Variants in PARP1 observed in about 807,000 individuals in gnomAD.
PARP1 encodes the protein poly [ADP-ribose] polymerase 1.
In PARP1, 44 loss-of-function variants were observed where a neutral mutation model predicts 118.7. The observed-to-expected ratio is 0.37, with a 90% CI of 0.29 to 0.48. PARP1 has a LOEUF of 0.48. Ranked by LOEUF, PARP1 falls within the 20% of genes least tolerant of loss-of-function variation. The pLI, the probability that PARP1 is intolerant of heterozygous loss-of-function variation, is 0.99. For synonymous variants in PARP1, 492 were observed against 483.2 expected (o/e 1.02, Z -0.24); for missense variants, 1,100 against 1,272.4 (o/e 0.86, Z 2.06).
chr1:226,391,455 G>A (rs1664818526), intron 3 of PARP1, among the ~76,000 whole-genome samples: 1 of 152,120 alleles, frequency 6.6e-6, no homozygotes, highest in Non-Finnish European at 1.5e-5. Context: ...GCAGCAGGAG[G>A]GGTTCCTGGC....
chr1:226,385,635 G>T lies in PARP1; in HGVS notation c.880C>A (p.Pro294Thr). The change falls in exon 7 of 23, where the codon CCC becomes ACC. Residue 294 changes from proline to threonine, a missense_variant. Coordinates refer to ENST00000366794, the MANE Select transcript of PARP1 (RefSeq NM_001618.4). ...ADGMVFGALLPCEECSGQLVF... is the reference protein window; with the variant it reads ...ADGMVFGALLTCEECSGQLVF... ...AGCTGACCCGAGCATTCCTCGCAGGGAAGGAGGGCACCGAACACCATGCCA... is the reference window on the plus strand; with the variant it reads ...AGCTGACCCGAGCATTCCTCGCAGGTAAGGAGGGCACCGAACACCATGCCA... 3.1e-6 allele frequency: 5 copies of T among 1,614,150 alleles called. No individual in the cohort carries two copies. Among genetic ancestry groups the T allele is most frequent in the Non-Finnish European group, 3.4e-6 (4 of 1,180,008 alleles).
At chr1:226,402,411 A>T in intron 1 of PARP1, 32 bp from the exon 2 acceptor site, 1 of 1,599,610 alleles carries the variant, frequency 6.3e-7, no homozygotes, top group Non-Finnish European at 8.5e-7. Context: ...GGAAGTAAGT[A>T]AGCAGTTAAC....
chr1:226,388,580 T>C, intron 5 of PARP1, 76 bp downstream of exon 5: 1 of 1,042,784 alleles, frequency 9.6e-7, no homozygotes, highest in South Asian at 1.3e-5. Context: ...CACAACTCCT[T>C]GAATTGTCTT....
intron 2 of PARP1, among the ~76,000 whole-genome samples, chr1:226,396,337 C>A (rs974108067): frequency 6.6e-6 from 1 of 151,112 alleles, no homozygotes; most frequent in Non-Finnish European, 1.5e-5. Context: ...CAGAGCAAGA[C>A]CCTGTCTCAA....
intron 1 of PARP1, among the ~76,000 whole-genome samples, chr1:226,404,815 C>G (rs1026725050): frequency 6.6e-6 from 1 of 152,226 alleles, no homozygotes; most frequent in Non-Finnish European, 1.5e-5. Context: ...TACCAGGGTC[C>G]TCACCCAACC....
At position 226,383,045 on chromosome 1, in the gene PARP1, CAGAGG is replaced by C. The variant is rs1664648414; in HGVS notation, c.1145_1149del (p.Ser382CysfsTer5). The C allele has an allele frequency of 6.2e-7, 1 of 1,612,736 alleles. No individual in the cohort carries two copies. Among genetic ancestry groups the C allele is most frequent in the African/African-American group, 1.3e-5 (1 of 74,908 alleles). ...GTCCCAAATGCTGTACCTGCTGAAGCAGAGGAGTTCACAGCAGCAGGAGCCGAGGC... is the reference window on the plus strand; with the variant it reads ...GTCCCAAATGCTGTACCTGCTGAAGCAGTTCACAGCAGCAGGAGCCGAGGC... On this transcript the variant is annotated frameshift_variant, in exon 8 of 23. Coordinates refer to ENST00000366794, the MANE Select transcript of PARP1 (RefSeq NM_001618.4). LOFTEE classifies it high-confidence loss of function.
intron 14 of PARP1, among the ~76,000 whole-genome samples, chr1:226,371,675 G>C (rs1198583293): frequency 6.6e-6 from 1 of 152,220 alleles, no homozygotes; most frequent in Non-Finnish European, 1.5e-5. Flanking sequence ...ACTTTGGTAT[G>C]GACCCTCAAT....
At chr1:226,389,827 G>A (rs1257813786) in intron 4 of PARP1, among the ~76,000 whole-genome samples, 3 of 152,196 alleles carry the variant, frequency 2.0e-5, no homozygotes, top group African/African-American at 7.2e-5. Context: ...TTAACAAGCA[G>A]TTCTCCAGAC....
intron 9 of PARP1, among the ~76,000 whole-genome samples, chr1:226,380,606 T>C (rs1664585463): frequency 1.3e-5 from 2 of 152,316 alleles, no homozygotes; most frequent in South Asian, 2.1e-4. Flanking sequence ...TACAGAGCAG[T>C]GCGAAGTGAT....
At position 226,401,865 on chromosome 1, in the gene PARP1, G is replaced by A. The variant is rs978079716; in HGVS notation, c.286+349C>T. 6.3e-6 allele frequency: 5 copies of A among 797,538 alleles called. No individual in the cohort carries two copies. In the African/African-American group the frequency reaches 7.0e-5, roughly 11 times the overall value. 49.4% of individuals were successfully genotyped at this position (797,538 alleles called of 1,614,324 possible). A position where few individuals can be genotyped will look rare whatever the true frequency, so the allele number is the denominator to read the frequency against. The stretch of plus-strand genomic sequence containing the variant: ...TCAATTATAACAAATGTACTACTCT[G>A]GTGGGAGGTGTTGACAAGGAAGAGC... On this transcript the variant is annotated intron_variant, in intron 2 of 22. Transcript: ENST00000366794.
chr1:226,400,568 C>T (rs534175130), intron 2 of PARP1, among the ~76,000 whole-genome samples: 1 of 152,354 alleles, frequency 6.6e-6, no homozygotes, highest in South Asian at 2.1e-4. Flanking sequence ...CTGTCACTGC[C>T]TCAGGGTAAG....
chr1:226,404,129 T>C lies in PARP1; in HGVS notation c.121-1750A>G, dbSNP rs186648327. Among the ~76,000 whole-genome samples, 324 of 151,630 alleles carry C rather than the reference T, an allele frequency of 2.1e-3. 3 individuals are homozygous for C. The highest frequency in any genetic ancestry group is 7.6e-3 in the African/African-American group (312 of 41,276). On this transcript the variant is annotated intron_variant, in intron 1 of 22. Transcript: ENST00000366794. ...GCTCCCCTCACTAAGAACTATGCAT[T>C]TGGTGATTATTTCATAAGGGCCTAT...
At position 226,361,133 on chromosome 1, in the gene PARP1, C is replaced by T. The variant is rs1399514450; in HGVS notation, c.*327G>A. On this transcript the variant is annotated 3_prime_UTR_variant, in exon 23 of 23. Transcript: ENST00000366794. ...TCCTTCCCTGGGGAAACCAGTAAGG[C>T]AGACATTCTAACGAAGCTTGGTTTT... is the stretch of plus-strand genomic sequence containing the variant. 2 of 392,860 alleles carry T rather than the reference C, an allele frequency of 5.1e-6. No homozygotes were observed. Among genetic ancestry groups the T allele is most frequent in the African/African-American group, 4.0e-5 (2 of 50,102 alleles). The allele number at this position is 392,860 out of a possible 1,614,324, so 24.3% of individuals were successfully genotyped here.
At chr1:226,362,156 T>G in intron 21 of PARP1, 73 bp from the exon 22 acceptor site, 2 of 835,794 alleles carry the variant, frequency 2.4e-6, no homozygotes, top group Non-Finnish European at 4.2e-6. Context: ...AGATGAGCTC[T>G]ATTTGATGTT....
intron 1 of PARP1, among the ~76,000 whole-genome samples, chr1:226,406,565 C>T (rs1325588861): frequency 2.0e-5 from 3 of 152,224 alleles, no homozygotes; most frequent in African/African-American, 7.2e-5. Flanking sequence ...TAGAGCACAG[C>T]TCCATCAGGT....
chr1:226,392,809 T>C (rs988929716), intron 2 of PARP1: 3 of 837,692 alleles, frequency 3.6e-6, no homozygotes, highest in African/African-American at 1.8e-5. Context: ...TGGGAAAAGG[T>C]TGAATTATTC....
chr1:226,381,006 G>A (rs184819752), intron 9 of PARP1, 62 bp downstream of exon 9: 466 of 1,583,954 alleles, frequency 2.9e-4, no homozygotes, highest in Admixed American at 5.7e-4. Flanking sequence ...TCACTTACTC[G>A]TCATCACAAT....
rs370053427 is a variant in PARP1 at position 226,383,030 on chromosome 1, C to T, written c.1159+6G>A. ...AGCTCTAAGACCGGGGTCCCAAATG[C>T]TGTACCTGCTGAAGCAGAGGAGTTC... On this transcript the variant is annotated splice_donor_region_variant and intron_variant, in intron 8 of 22. Coordinates refer to ENST00000366794, the MANE Select transcript of PARP1 (RefSeq NM_001618.4). The T allele has an allele frequency of 6.5e-5, 105 of 1,612,692 alleles. No homozygotes were observed. The African/African-American group carries it at 1.3e-3, about 20-fold the overall frequency.
At chr1:226,398,924 CAGCTTTGTTCA>C (rs984642899) in intron 2 of PARP1, among the ~76,000 whole-genome samples, 8 of 152,176 alleles carry the variant, frequency 5.3e-5, no homozygotes, top group Non-Finnish European at 1.2e-4. Context: ...GTGTTTCTAG[CAGCTTTGTTCA>C]TAATCACCAA....
Sources: gnomAD v4.1 joint callset for allele counts (sites outside exome capture counted in the v4.1 genomes callset) on GRCh38, gnomAD v4.1.1 for gene constraint, MANE v1.5 for transcripts, NCBI Gene and HGNC (gene_info 2026-07-23, HGNC 2026-07-21) for gene names.